BMPR2: variants seen among roughly 807,000 people sequenced by gnomAD.
BMPR2 encodes bone morphogenetic protein receptor type-2.
In BMPR2, 29 loss-of-function variants were observed where a neutral mutation model predicts 100.8. The ratio of observed to expected loss-of-function variants is 0.29; its 90% CI spans 0.21 to 0.39. The LOEUF (loss-of-function observed/expected upper bound fraction) is 0.39, where lower values mean the gene tolerates loss of function less well. Ranked by LOEUF, BMPR2 falls within the 10% of genes least tolerant of loss-of-function variation. The pLI is 1.00. For missense variants in BMPR2, 1,011 were observed against 1,274.5 expected, an observed-to-expected ratio of 0.79 and a Z score of 3.15; for synonymous variants, 382 against 442.3, an observed-to-expected ratio of 0.86 and a Z score of 1.71.
At position 202,411,538 on chromosome 2, in the gene BMPR2, T is replaced by C. The variant is rs779092065; in HGVS notation, c.76+33988T>C. 6.6e-5 allele frequency among the ~76,000 whole-genome samples: 10 copies of C among 152,296 alleles called. No homozygotes were observed. The South Asian group carries it at 1.9e-3, about 28-fold the overall frequency. On this transcript the variant is annotated intron_variant, in intron 1 of 12. Coordinates refer to ENST00000374580, the MANE Select transcript of BMPR2 (RefSeq NM_001204.7). ...GATTGGTTGCTGTGAATGGCCTGTT[T>C]GTTGGAAAACTGGCCCATTTTATTG...
intron 3 of BMPR2, among the ~76,000 whole-genome samples, chr2:202,506,168 A>T (rs769090381): frequency 5.0e-4 from 75 of 150,418 alleles, no homozygotes; most frequent in Non-Finnish European, 9.8e-4. Flanking sequence ...TAATTAATTA[A>T]TTTTTTTTTT....
chr2:202,380,692 G>A lies in BMPR2; in HGVS notation c.76+3142G>A, dbSNP rs574163503. On this transcript the variant is annotated intron_variant, in intron 1 of 12. Transcript: ENST00000374580. ...GGCTGGAGTGCAATGGTGTGATCTCGGCTCACTGCAACCTCCACCTCCCGG... is the reference window on the plus strand; with the variant it reads ...GGCTGGAGTGCAATGGTGTGATCTCAGCTCACTGCAACCTCCACCTCCCGG... Among the ~76,000 whole-genome samples, 11 of 146,954 alleles carry A rather than the reference G, an allele frequency of 7.5e-5. No individual in the cohort carries two copies. The South Asian group carries it at 1.1e-3, about 15-fold the overall frequency.
intron 3 of BMPR2, 93 bp from the exon 4 acceptor site, chr2:202,513,626 C>G: frequency 1.2e-6 from 1 of 834,656 alleles, no homozygotes; most frequent in Non-Finnish European, 2.0e-6. Context: ...TTTGATTATA[C>G]ATGGGTACAG....
chr2:202,557,984 TA>T (rs1365289401), intron 12 of BMPR2, among the ~76,000 whole-genome samples: 2 of 152,310 alleles, frequency 1.3e-5, no homozygotes, highest in Non-Finnish European at 1.5e-5. Flanking sequence ...CTAACCTTAA[TA>T]AATCTTAAAG....
At position 202,555,972 on chromosome 2, in the gene BMPR2, C is replaced by T. The variant is rs1297489963; in HGVS notation, c.2307C>T (p.Pro769=). The T allele has an allele frequency of 6.2e-7, 1 of 1,614,016 alleles. No homozygotes were observed. Among genetic ancestry groups the T allele is most frequent in the Admixed American group, 1.7e-5 (1 of 59,998 alleles). ...PLNTKNSTKE[P]RLKFGSKHKS... ...ACACCAAAAATTCAACAAAAGAGCC[C>T]CGGCTAAAATTTGGCAGCAAGCACA... The change falls in exon 12 of 13, where the codon CCC becomes CCT. Residue 769 remains proline, a synonymous_variant. Coordinates refer to ENST00000374580, the MANE Select transcript of BMPR2 (RefSeq NM_001204.7).
At chr2:202,386,606 A>C (rs1437523814) in intron 1 of BMPR2, among the ~76,000 whole-genome samples, 2 of 151,176 alleles carry the variant, frequency 1.3e-5, no homozygotes, top group East Asian at 1.9e-4. Context: ...TTTTTACTAG[A>C]CTCTGTTTCC....
At chr2:202,443,501 TTCTC>T (rs919963448) in intron 1 of BMPR2, among the ~76,000 whole-genome samples, 2 of 149,152 alleles carry the variant, frequency 1.3e-5, no homozygotes, top group African/African-American at 2.6e-5. Flanking sequence ...CTGTCTCTCT[TTCTC>T]TCTCTCTCTT....
chr2:202,555,705 C>T lies in BMPR2; in HGVS notation c.2040C>T (p.Ser680=). ...AAGTTGATAAGAACCTCAAGGAAAGCTCTGATGAGAATCTCATGGAGCACT... is the reference window on the plus strand; with the variant it reads ...AAGTTGATAAGAACCTCAAGGAAAGTTCTGATGAGAATCTCATGGAGCACT... ...PKEVDKNLKE[S]SDENLMEHSL... Residue 680 remains serine (S), a synonymous_variant, in exon 12 of 13, where the codon AGC becomes AGT. Transcript: ENST00000374580. The T allele has an allele frequency of 1.2e-6, 2 of 1,614,126 alleles. No individual in the cohort carries two copies. Among genetic ancestry groups the T allele is most frequent in the Non-Finnish European group, 1.7e-6 (2 of 1,180,028 alleles).
intron 1 of BMPR2, among the ~76,000 whole-genome samples, chr2:202,379,495 G>T (rs1018234159): frequency 6.6e-6 from 1 of 152,184 alleles, no homozygotes; most frequent in Non-Finnish European, 1.5e-5. Context: ...GCCTTCACCA[G>T]ATCAACCTTT....
intron 1 of BMPR2, among the ~76,000 whole-genome samples, chr2:202,386,174 T>G (rs1690423099): frequency 6.6e-6 from 1 of 152,188 alleles, no homozygotes; most frequent in African/African-American, 2.4e-5. Flanking sequence ...TCTCATCCAG[T>G]TTTATGGCTT....
At position 202,552,906 on chromosome 2, in the gene BMPR2, G is replaced by C. The variant is rs1688508156; in HGVS notation, c.1586+18G>C. On this transcript the variant is annotated intron_variant, in intron 11 of 12. Coordinates refer to ENST00000374580, the MANE Select transcript of BMPR2 (RefSeq NM_001204.7). The stretch of plus-strand genomic sequence containing the variant: ...AATGAACGGTAAGACCCTAAGGGGT[G>C]TGGCATCTATCAATCAGTATTAGAA... The C allele has an allele frequency of 6.2e-7, 1 of 1,613,956 alleles. No homozygotes were observed. Among genetic ancestry groups the C allele is most frequent in the African/African-American group, 1.3e-5 (1 of 74,936 alleles).
chr2:202,419,867 G>A (rs1691222508), intron 1 of BMPR2, among the ~76,000 whole-genome samples: 1 of 152,122 alleles, frequency 6.6e-6, no homozygotes, highest in Non-Finnish European at 1.5e-5. Flanking sequence ...AACCCAAGGG[G>A]GCCAGACACA....
chr2:202,467,722 C>T, intron 3 of BMPR2, 33 bp downstream of exon 3: 2 of 1,579,046 alleles, frequency 1.3e-6, no homozygotes, highest in South Asian at 2.2e-5. Flanking sequence ...CTTTGTATTT[C>T]CTTTCTCCAA....
chr2:202,536,122 T>A (rs1559068532), intron 9 of BMPR2, among the ~76,000 whole-genome samples: 1 of 151,820 alleles, frequency 6.6e-6, no homozygotes, highest in Non-Finnish European at 1.5e-5. Flanking sequence ...CTAAATAAAA[T>A]TTTTTTAAGA....
At chr2:202,463,147 T>C (rs1692254304) in intron 1 of BMPR2, among the ~76,000 whole-genome samples, 1 of 152,158 alleles carries the variant, frequency 6.6e-6, no homozygotes, top group African/African-American at 2.4e-5. Flanking sequence ...TTAGAAAATA[T>C]ATAATGGTAA....
intron 3 of BMPR2, among the ~76,000 whole-genome samples, chr2:202,487,172 G>A (rs909374715): frequency 2.0e-5 from 3 of 152,166 alleles, no homozygotes; most frequent in African/African-American, 4.8e-5. Flanking sequence ...CCTGGCATAT[G>A]TAAGCCTATG....
intron 9 of BMPR2, among the ~76,000 whole-genome samples, chr2:202,537,881 G>C (rs892066440): frequency 7.9e-5 from 12 of 152,110 alleles, no homozygotes; most frequent in African/African-American, 2.9e-4. Context: ...CACTTTAGGA[G>C]GCTGAGAGGG....
At chr2:202,553,963 T>G (rs972593901) in intron 11 of BMPR2, among the ~76,000 whole-genome samples, 1 of 152,196 alleles carries the variant, frequency 6.6e-6, no homozygotes, top group Non-Finnish European at 1.5e-5. Context: ...GCTGGGATTA[T>G]AGGCGACAGG....
chr2:202,479,847 G>A (rs943968544), intron 3 of BMPR2, among the ~76,000 whole-genome samples: 4 of 151,898 alleles, frequency 2.6e-5, no homozygotes, highest in African/African-American at 7.3e-5. Context: ...TTTCATTTCC[G>A]TAATGAATAA....
Sources: gnomAD v4.1 joint callset for allele counts (sites outside exome capture counted in the v4.1 genomes callset) on GRCh38, gnomAD v4.1.1 for gene constraint, MANE v1.5 for transcripts, NCBI Gene and HGNC (gene_info 2026-07-23, HGNC 2026-07-21) for gene names.